HMBOX1: variants seen among roughly 807,000 people sequenced by gnomAD.
HMBOX1 encodes homeobox-containing protein 1.
Under a neutral mutation model 54.5 loss-of-function variants are expected in HMBOX1, and 14 were observed. The observed-to-expected ratio is 0.26, with a 90% confidence interval of 0.17 to 0.40. HMBOX1 has a LOEUF of 0.40. HMBOX1 is among the 10% of genes least tolerant of loss of function. The probability of loss-of-function intolerance (pLI) is 1.00; values close to 1 mark genes in which losing one functional copy is unlikely to be tolerated. For missense variants in HMBOX1, 332 were observed against 514.4 expected (o/e 0.65, Z 3.43); for synonymous variants, 160 against 181.0 (o/e 0.88, Z 0.93).
intron 5 of HMBOX1, among the ~76,000 whole-genome samples, chr8:29,018,467 A>G (rs1257357818): frequency 6.6e-6 from 1 of 152,196 alleles, no homozygotes; most frequent in Non-Finnish European, 1.5e-5. Flanking sequence ...TTAAAAAAGA[A>G]AAGAGTTTAC....
rs1256772463 is a variant in HMBOX1 at position 29,049,039 on chromosome 8, C to T, written c.1116C>T (p.Tyr372=). The T allele has an allele frequency of 6.2e-7, 1 of 1,613,450 alleles. No individual in the cohort carries two copies. The highest frequency in any genetic ancestry group is 8.5e-7 in the Non-Finnish European group (1 of 1,179,722). Residue 372 remains tyrosine (Y), a synonymous_variant, in exon 9 of 10, where the codon TAC becomes TAT. Transcript: ENST00000287701. ...SNSDDVDGND[Y]SEQDDSTSHS... is the part of the protein sequence containing the mutation. The stretch of plus-strand genomic sequence containing the variant: ...GTGATGATGTCGACGGGAATGACTA[C>T]TCTGAGCAGGTGAGCCCCTGCGCAG...
At chr8:28,954,863 A>G (rs1360281331) in intron 1 of HMBOX1, among the ~76,000 whole-genome samples, 2 of 152,164 alleles carry the variant, frequency 1.3e-5, no homozygotes, top group African/African-American at 2.4e-5. Flanking sequence ...TGTCTTTGAA[A>G]GTTTACTTTT....
intron 4 of HMBOX1, among the ~76,000 whole-genome samples, chr8:28,986,847 A>G (rs1337998103): frequency 6.6e-6 from 1 of 152,124 alleles, no homozygotes; most frequent in African/African-American, 2.4e-5. Context: ...AACATAATAC[A>G]TGAAGTTACT....
Position 29,051,332 on chromosome 8 carries a change from C to T in HMBOX1, c.*177C>T, listed in dbSNP as rs1213089853. 1 of 664,356 alleles carries T rather than the reference C, an allele frequency of 1.5e-6. No individual in the cohort carries two copies. The highest frequency in any genetic ancestry group is 2.6e-5 in the Admixed American group (1 of 38,962). The allele number at this position is 664,356 out of a possible 1,614,324, so 41.2% of individuals were successfully genotyped here. A position where few individuals can be genotyped will look rare whatever the true frequency, so the allele number is the denominator to read the frequency against. On this transcript the variant is annotated 3_prime_UTR_variant, in exon 10 of 10. Transcript: ENST00000287701. ...TGCCCTCAGCCTTTGCATATACTCT[C>T]TCAGTATTAACTCCCAGTAAATAAT...
chr8:29,044,327 G>A (rs1254962891), intron 6 of HMBOX1, among the ~76,000 whole-genome samples: 1 of 152,190 alleles, frequency 6.6e-6, no homozygotes, highest in East Asian at 1.9e-4. Flanking sequence ...CTGATTGGAA[G>A]TTTCCAAGTT....
rs562946264 is a variant in HMBOX1 at position 29,047,572 on chromosome 8, T to G, written c.1030+119T>G. The G allele has an allele frequency of 2.3e-5, 13 of 565,634 alleles. No individual in the cohort carries two copies. The East Asian group carries it at 4.1e-4, about 18-fold the overall frequency. 35.0% of individuals were successfully genotyped at this position (565,634 alleles called of 1,614,324 possible). A position where few individuals can be genotyped will look rare whatever the true frequency, so the allele number is the denominator to read the frequency against. Reference sequence around the variant, plus strand: ...AAAGGATCCTAACTTCTCTTTTTTTTTTTTTTTTTTTTGAGACGGAGTTTC... The same window carrying G: ...AAAGGATCCTAACTTCTCTTTTTTTGTTTTTTTTTTTTGAGACGGAGTTTC... On this transcript the variant is annotated intron_variant, in intron 8 of 9. Transcript: ENST00000287701.
intron 1 of HMBOX1, among the ~76,000 whole-genome samples, chr8:28,953,778 G>C (rs1823931103): frequency 6.6e-6 from 1 of 152,218 alleles, no homozygotes; most frequent in South Asian, 2.1e-4. Flanking sequence ...TTTGCTAACT[G>C]TTCAAGCTGG....
chr8:28,901,888 A>G (rs985576284), intron 1 of HMBOX1, among the ~76,000 whole-genome samples: 1 of 152,120 alleles, frequency 6.6e-6, no homozygotes, highest in African/African-American at 2.4e-5. Context: ...CACTTAATGT[A>G]TTTGTATATC....
intron 1 of HMBOX1, among the ~76,000 whole-genome samples, chr8:28,917,369 AG>A (rs1816751620): frequency 6.6e-6 from 1 of 152,208 alleles, no homozygotes; most frequent in Non-Finnish European, 1.5e-5. Context: ...ATTGTTAATA[AG>A]TAGAAATGTA....
At chr8:28,960,881 G>T (rs1414886639) in intron 1 of HMBOX1, among the ~76,000 whole-genome samples, 1 of 144,214 alleles carries the variant, frequency 6.9e-6, no homozygotes, top group Non-Finnish European at 1.5e-5. Flanking sequence ...CTGCCTCCCG[G>T]ATTCAAGCGA....
chr8:28,901,014 A>G (rs1025904201), intron 1 of HMBOX1, among the ~76,000 whole-genome samples: 3 of 152,112 alleles, frequency 2.0e-5, no homozygotes, highest in East Asian at 1.9e-4. Flanking sequence ...GTAAACCTCT[A>G]TGTGTCTCAT....
chr8:29,021,303 A>G (rs1246344170), intron 6 of HMBOX1, among the ~76,000 whole-genome samples: 1 of 152,210 alleles, frequency 6.6e-6, no homozygotes, highest in Non-Finnish European at 1.5e-5. Flanking sequence ...GTCCCTTCAT[A>G]TCCTGGCAAT....
intron 1 of HMBOX1, among the ~76,000 whole-genome samples, chr8:28,921,844 T>C (rs922561390): frequency 2.6e-5 from 4 of 152,226 alleles, no homozygotes; most frequent in African/African-American, 9.6e-5. Flanking sequence ...TTTATGGAGA[T>C]AGAGAAGACC....
intron 4 of HMBOX1, among the ~76,000 whole-genome samples, chr8:28,992,625 C>T (rs900740947): frequency 1.3e-5 from 2 of 152,092 alleles, no homozygotes; most frequent in Admixed American, 1.3e-4. Context: ...AATCCCAGCA[C>T]TCTGGGAATC....
In HMBOX1 at chr8:28,958,858, A is replaced by G. The variant is rs141829638; in HGVS notation, c.-57-4953A>G. On this transcript the variant is annotated intron_variant, in intron 1 of 9. Coordinates refer to ENST00000287701, the MANE Select transcript of HMBOX1 (RefSeq NM_001135726.3). Reference sequence around the variant, plus strand: ...TTTACTGAATGCCTTTTCAACATCTATTGATATAATCATGTAATTTCTCTG... The same window carrying G: ...TTTACTGAATGCCTTTTCAACATCTGTTGATATAATCATGTAATTTCTCTG... 3.3e-3 allele frequency among the ~76,000 whole-genome samples: 503 copies of G among 152,242 alleles called. 7 individuals are homozygous for G. Among genetic ancestry groups the G allele is most frequent in the African/African-American group, 0.011 (469 of 41,548 alleles).
In HMBOX1 at chr8:28,960,498, A is replaced by G. The variant is rs574132077; in HGVS notation, c.-57-3313A>G. Among the ~76,000 whole-genome samples the G allele has an allele frequency of 2.6e-5, 4 of 152,048 alleles. No homozygotes were observed. In the South Asian group the frequency reaches 8.3e-4, roughly 32 times the overall value. On this transcript the variant is annotated intron_variant, in intron 1 of 9. Transcript: ENST00000287701. ...AAAACTTCTTTGTTAGAAGGTTTAC[A>G]AAGTATCTTTTTATCTTTAAAATTA...
chr8:28,929,376 A>G (rs1193597666), intron 1 of HMBOX1, among the ~76,000 whole-genome samples: 2 of 152,176 alleles, frequency 1.3e-5, no homozygotes. Flanking sequence ...GTGAGAAGGC[A>G]AGTTGAATAA....
chr8:29,047,236 C>A, intron 7 of HMBOX1, 122 bp from the exon 8 acceptor site: 2 of 658,878 alleles, frequency 3.0e-6, no homozygotes, highest in Non-Finnish European at 5.4e-6. Context: ...AATCCCTCTG[C>A]ATCTGTAGTT....
chr8:28,922,850 A>G (rs1357141262), intron 1 of HMBOX1, among the ~76,000 whole-genome samples: 2 of 152,148 alleles, frequency 1.3e-5, no homozygotes, highest in African/African-American at 4.8e-5. Context: ...TGGCATAATA[A>G]TAGTTTCCTG....
Sources: gnomAD v4.1 joint callset for allele counts (sites outside exome capture counted in the v4.1 genomes callset) on GRCh38, gnomAD v4.1.1 for gene constraint, MANE v1.5 for transcripts, NCBI Gene and HGNC (gene_info 2026-07-23, HGNC 2026-07-21) for gene names.